KNTC1: variants seen among roughly 807,000 people sequenced by gnomAD.
The protein encoded by KNTC1 is kinetochore-associated protein 1.
Under a neutral mutation model 314.4 loss-of-function variants are expected in KNTC1, and 253 were observed. The ratio of observed to expected loss-of-function variants is 0.80; its 90% CI spans 0.73 to 0.89. The LOEUF (loss-of-function observed/expected upper bound fraction) is 0.89. Among genes scored for constraint, KNTC1 ranks in the 40% least tolerant of loss-of-function variants. The pLI, the probability that KNTC1 is intolerant of heterozygous loss-of-function variation, is 0.00. For missense variants in KNTC1, 2,475 were observed against 2,572.9 expected (o/e 0.96, Z 0.82); for synonymous variants, 901 against 901.4 (o/e 1.00, Z 0.01).
chr12:122,601,590 G>A lies in KNTC1; in HGVS notation c.4618G>A (p.Ala1540Thr). ...IEVVLKVIERADEKITNININ... is the reference protein window; with the variant it reads ...IEVVLKVIERTDEKITNININ... Reference sequence around the variant, plus strand: ...AGTTGTCTTGAAAGTTATAGAACGAGCTGATGAAAAGATAACCAATATTAA... The same window carrying A: ...AGTTGTCTTGAAAGTTATAGAACGAACTGATGAAAAGATAACCAATATTAA... The change falls in exon 45 of 64, where the codon GCT becomes ACT. Residue 1540 changes from alanine (A) to threonine (T), a missense_variant. By Grantham distance (58) the Ala-to-Thr change is moderately conservative. Coordinates refer to ENST00000333479, the MANE Select transcript of KNTC1 (RefSeq NM_014708.6). 2 of 1,537,198 alleles carry A rather than the reference G, an allele frequency of 1.3e-6. No individual in the cohort carries two copies. The highest frequency in any genetic ancestry group is 1.8e-6 in the Non-Finnish European group (2 of 1,141,900).
At chr12:122,566,517 C>G (rs1171269861) in intron 20 of KNTC1, among the ~76,000 whole-genome samples, 1 of 150,498 alleles carries the variant, frequency 6.6e-6, no homozygotes, top group Non-Finnish European at 1.5e-5. Context: ...TCAAGTGATT[C>G]TCCTGCCTCA....
chr12:122,588,007 A>G (rs1394754594), intron 39 of KNTC1, 133 bp downstream of exon 39: 1 of 717,146 alleles, frequency 1.4e-6, no homozygotes, highest in Non-Finnish European at 2.2e-6. Context: ...ATTTAAGAAC[A>G]TTTGTTGAGC....
intron 51 of KNTC1, among the ~76,000 whole-genome samples, chr12:122,607,209 G>A (rs137935047): frequency 0.017 from 2,593 of 152,104 alleles, 36 homozygotes; most frequent in Non-Finnish European, 0.028. Flanking sequence ...GATTACAGGC[G>A]CCCGCCACCA....
chr12:122,583,108 A>C, intron 34 of KNTC1, 123 bp downstream of exon 34: 1 of 841,306 alleles, frequency 1.2e-6, no homozygotes, highest in Non-Finnish European at 1.8e-6. Flanking sequence ...TCAGGAGATC[A>C]AGACCATCCT....
intron 62 of KNTC1, among the ~76,000 whole-genome samples, chr12:122,624,372 G>A (rs578020689): frequency 4.0e-4 from 61 of 152,158 alleles, no homozygotes; most frequent in African/African-American, 1.4e-3. Context: ...GGGTTCAAGC[G>A]ATCCTCCTAC....
chr12:122,544,077 G>T, intron 7 of KNTC1, 82 bp from the exon 8 acceptor site: 6 of 582,366 alleles, frequency 1.0e-5, no homozygotes, highest in African/African-American at 2.0e-5. Flanking sequence ...ATTTATAACT[G>T]ATTGATATCA....
At chr12:122,588,848 T>C (rs1482940934) in intron 40 of KNTC1, 32 bp downstream of exon 40, 10 of 1,428,924 alleles carry the variant, frequency 7.0e-6, no homozygotes, top group Non-Finnish European at 9.4e-6. Flanking sequence ...AAATTTTGTT[T>C]GTTTTTTTTT....
chr12:122,587,966 C>A, intron 39 of KNTC1, 92 bp downstream of exon 39: 1 of 1,064,076 alleles, frequency 9.4e-7, no homozygotes, highest in Non-Finnish European at 1.3e-6. Flanking sequence ...TTCCTATTGT[C>A]TTTGTAGCAA....
intron 54 of KNTC1, 21 bp from the exon 55 acceptor site, chr12:122,613,605 A>G: frequency 6.3e-7 from 1 of 1,579,518 alleles, no homozygotes; most frequent in Non-Finnish European, 8.6e-7. Context: ...AATGATTCTT[A>G]GAAACGTTTC....
intron 20 of KNTC1, among the ~76,000 whole-genome samples, chr12:122,565,996 G>A (rs975008909): frequency 7.1e-6 from 1 of 140,676 alleles, no homozygotes; most frequent in African/African-American, 2.7e-5. Context: ...AGTGTGGAGT[G>A]CAGTGGCATG....
In KNTC1 at chr12:122,602,784, A is replaced by T. The variant is rs1555236991; in HGVS notation, c.4825+44A>T. 13 of 1,610,000 alleles carry T rather than the reference A, an allele frequency of 8.1e-6. No individual in the cohort carries two copies. The South Asian group carries it at 1.3e-4, about 16-fold the overall frequency. ...TTTATGAATTTTACTGGATAGCCAA[A>T]TTTTTTTTCTTAAGCAAATCGTACT... On this transcript the variant is annotated intron_variant, in intron 46 of 63. Transcript: ENST00000333479.
chr12:122,544,380 G>T, intron 8 of KNTC1, 111 bp downstream of exon 8: 2 of 591,236 alleles, frequency 3.4e-6, no homozygotes, highest in Admixed American at 3.6e-5. Context: ...CCGAAACAAG[G>T]AAATTATAAA....
chr12:122,569,888 A>G, intron 22 of KNTC1, 64 bp downstream of exon 22: 1 of 1,475,648 alleles, frequency 6.8e-7, no homozygotes, highest in Admixed American at 2.0e-5. Flanking sequence ...TAGATCATTG[A>G]GAATTAAGTC....
At chr12:122,560,561 T>C (rs1435854286) in intron 18 of KNTC1, among the ~76,000 whole-genome samples, 2 of 152,086 alleles carry the variant, frequency 1.3e-5, no homozygotes, top group African/African-American at 2.4e-5. Flanking sequence ...TTAGTAGAGA[T>C]GGGGTTTCAC....
intron 13 of KNTC1, among the ~76,000 whole-genome samples, chr12:122,550,552 T>A (rs1461803315): frequency 1.3e-5 from 2 of 152,166 alleles, no homozygotes. Context: ...GCCCAAGTTG[T>A]AGTACCGTCG....
intron 4 of KNTC1, 60 bp downstream of exon 4, chr12:122,538,514 C>G: frequency 1.1e-6 from 1 of 932,320 alleles, no homozygotes; most frequent in South Asian, 1.7e-5. Context: ...TCTTAGACAA[C>G]TAAAACTCTA....
At chr12:122,527,705 C>T (rs1960833687) in intron 1 of KNTC1, 1 of 152,318 alleles carries the variant, frequency 6.6e-6, no homozygotes, top group African/African-American at 2.4e-5. Flanking sequence ...CCACTGCTCT[C>T]TCCCTCACTG....
At chr12:122,563,816 A>G (rs774406654) in intron 20 of KNTC1, 15 of 1,465,000 alleles carry the variant, frequency 1.0e-5, no homozygotes, top group Non-Finnish European at 1.4e-5. Flanking sequence ...CAGCTTCAGC[A>G]GGAGGCAAAG....
Position 122,544,198 on chromosome 12 carries a change from A to AATTATCAT in KNTC1, c.600_607dup (p.Thr203IlefsTer15), listed in dbSNP as rs748201411. 1 of 1,582,144 alleles carries AATTATCAT rather than the reference A, an allele frequency of 6.3e-7. No individual in the cohort carries two copies. Among genetic ancestry groups the AATTATCAT allele is most frequent in the Non-Finnish European group, 8.5e-7 (1 of 1,169,660 alleles). On this transcript the variant is annotated frameshift_variant, in exon 8 of 64. Transcript: ENST00000333479. LOFTEE classifies it high-confidence loss of function. ...CAAGTCCAGTTTTATTTCTACTGAA[A>AATTATCAT]ATTATCATACTCTTGGTTGTCTCAG...
Sources: allele counts gnomAD v4.1 joint callset (sites outside exome capture counted in the v4.1 genomes callset), GRCh38; gene constraint gnomAD v4.1.1; transcripts MANE v1.5; gene names NCBI Gene and HGNC (gene_info 2026-07-23, HGNC 2026-07-21).